Variants in PDE10A observed in about 807,000 individuals in gnomAD.
The protein encoded by PDE10A is cAMP and cAMP-inhibited cGMP 3',5'-cyclic phosphodiesterase 10A.
A neutral mutation model predicts 97.7 loss-of-function variants in PDE10A; 39 were observed. The ratio of observed to expected loss-of-function variants is 0.40; its 90% CI spans 0.31 to 0.52. The LOEUF (loss-of-function observed/expected upper bound fraction) is 0.52. Ranked by LOEUF, PDE10A falls within the 20% of genes least tolerant of loss-of-function variation. The pLI, the probability that PDE10A is intolerant of heterozygous loss-of-function variation, is 0.56. For missense variants in PDE10A, 731 were observed against 1,047.8 expected (o/e 0.70, Z 4.17); for synonymous variants, 371 against 376.8 (o/e 0.98, Z 0.18).
At chr6:165,423,459 G>T (rs557766749) in intron 10 of PDE10A, among the ~76,000 whole-genome samples, 32 of 152,288 alleles carry the variant, frequency 2.1e-4, no homozygotes, top group African/African-American at 6.7e-4. Context: ...AGACGCTGCA[G>T]GTCTGCGGTG....
chr6:165,443,689 G>T (rs918570176), intron 5 of PDE10A, among the ~76,000 whole-genome samples: 4 of 152,174 alleles, frequency 2.6e-5, no homozygotes, highest in African/African-American at 9.6e-5. Flanking sequence ...GCAGACTTCT[G>T]CCTGGATATC....
At chr6:165,786,385 G>A (rs1400916043) in intron 1 of PDE10A, among the ~76,000 whole-genome samples, 2 of 152,068 alleles carry the variant, frequency 1.3e-5, no homozygotes, top group African/African-American at 2.4e-5. Context: ...TTCAGTTTGT[G>A]GACACACCAA....
intron 1 of PDE10A, among the ~76,000 whole-genome samples, chr6:165,812,459 G>A (rs1331334305): frequency 6.6e-6 from 1 of 151,924 alleles, no homozygotes; most frequent in Admixed American, 6.6e-5. Context: ...CTCTCATTAA[G>A]TATCTTAAAA....
chr6:165,491,228 C>T (rs1326681755), intron 2 of PDE10A, among the ~76,000 whole-genome samples: 1 of 152,096 alleles, frequency 6.6e-6, no homozygotes, highest in Non-Finnish European at 1.5e-5. Context: ...TATATATGCA[C>T]CTAACACTGG....
intron 2 of PDE10A, among the ~76,000 whole-genome samples, chr6:165,505,320 G>A (rs766018354): frequency 6.6e-6 from 1 of 152,006 alleles, no homozygotes; most frequent in Non-Finnish European, 1.5e-5. Context: ...GTTTAAAATG[G>A]CTCAAATATA....
intron 18 of PDE10A, among the ~76,000 whole-genome samples, chr6:165,377,500 A>G (rs979623016): frequency 6.6e-6 from 1 of 152,242 alleles, no homozygotes; most frequent in South Asian, 2.1e-4. Context: ...ATGCACCACT[A>G]CCACGTATGT....
chr6:165,342,797 C>T (rs1782051616), intron 19 of PDE10A, among the ~76,000 whole-genome samples: 1 of 152,130 alleles, frequency 6.6e-6, no homozygotes, highest in South Asian at 2.1e-4. Flanking sequence ...ATTCCATCAG[C>T]AAATTGAGCA....
At chr6:165,356,683 T>C (rs1783046795) in intron 18 of PDE10A, among the ~76,000 whole-genome samples, 1 of 152,160 alleles carries the variant, frequency 6.6e-6, no homozygotes, top group African/African-American at 2.4e-5. Context: ...CTCATCCAAC[T>C]AAAACTGGTA....
chr6:165,484,909 C>A (rs1779813699), intron 2 of PDE10A, among the ~76,000 whole-genome samples: 1 of 152,120 alleles, frequency 6.6e-6, no homozygotes. Context: ...CCAACCCTAG[C>A]CAAGATGAGT....
At chr6:165,595,251 A>G (rs1786519424) in intron 1 of PDE10A, among the ~76,000 whole-genome samples, 1 of 152,148 alleles carries the variant, frequency 6.6e-6, no homozygotes, top group Admixed American at 6.5e-5. Flanking sequence ...TAGTCCTCTC[A>G]TGGGAGTCAA....
chr6:165,424,935 T>C (rs1204294319), intron 10 of PDE10A, among the ~76,000 whole-genome samples: 1 of 152,136 alleles, frequency 6.6e-6, no homozygotes, highest in East Asian at 1.9e-4. Flanking sequence ...TTATATCTGT[T>C]GTGGACCCAC....
At chr6:165,961,669 T>C (rs796871830) in intron 1 of PDE10A, among the ~76,000 whole-genome samples, 46 of 152,330 alleles carry the variant, frequency 3.0e-4, no homozygotes, top group African/African-American at 1.1e-3. Flanking sequence ...CCTCCAAACT[T>C]CTGCCTCTGA....
At chr6:165,468,344 TC>T (rs1356643825) in intron 3 of PDE10A, among the ~76,000 whole-genome samples, 1 of 151,940 alleles carries the variant, frequency 6.6e-6, no homozygotes, top group East Asian at 1.9e-4. Flanking sequence ...CGCCTCAGCC[TC>T]CAAAAGCGCT....
At chr6:165,906,212 C>A (rs1165189666) in intron 1 of PDE10A, among the ~76,000 whole-genome samples, 1 of 150,424 alleles carries the variant, frequency 6.6e-6, no homozygotes, top group Non-Finnish European at 1.5e-5. Flanking sequence ...ACGTAAGACC[C>A]TTCTTTGTCA....
At chr6:165,396,263 GTTCAA>G in intron 14 of PDE10A, 49 bp downstream of exon 14, 2 of 1,538,434 alleles carry the variant, frequency 1.3e-6, no homozygotes, top group Admixed American at 1.7e-5. Context: ...CTCACTTTAA[GTTCAA>G]TTCAATTAAA....
At chr6:165,741,750 G>A (rs141304955) in intron 1 of PDE10A, among the ~76,000 whole-genome samples, 37 of 152,266 alleles carry the variant, frequency 2.4e-4, no homozygotes, top group Admixed American at 9.1e-4. Context: ...TTGAGAGGGA[G>A]AGAAAGAAAT....
At chr6:165,557,503 T>A (rs1002775419) in intron 1 of PDE10A, among the ~76,000 whole-genome samples, 5 of 152,196 alleles carry the variant, frequency 3.3e-5, no homozygotes, top group Admixed American at 3.3e-4. Context: ...ATTTTAGGTA[T>A]TCTATAAATT....
At chr6:165,590,635 T>C (rs1020881975) in intron 1 of PDE10A, among the ~76,000 whole-genome samples, 2 of 152,208 alleles carry the variant, frequency 1.3e-5, no homozygotes, top group African/African-American at 4.8e-5. Context: ...CTCACGCCTG[T>C]AATCTCAGCC....
chr6:165,976,844 C>A lies in PDE10A; in HGVS notation c.-615+10685G>T, dbSNP rs75498204. 2.0e-5 allele frequency among the ~76,000 whole-genome samples: 3 copies of A among 152,200 alleles called. No homozygotes were observed. The East Asian group carries it at 5.8e-4, about 29-fold the overall frequency. ...AGCCACCCTGCAGCAGGGCCCTCCT[C>A]GGGCTGTGCGCCATGCCATCCTCCT... On this transcript the variant is annotated intron_variant, in intron 1 of 19. Coordinates refer to the PDE10A transcript ENST00000366882.
Sources: allele counts gnomAD v4.1 joint callset (sites outside exome capture counted in the v4.1 genomes callset), GRCh38; gene constraint gnomAD v4.1.1; transcripts MANE v1.5; gene names NCBI Gene and HGNC (gene_info 2026-07-23, HGNC 2026-07-21).